MXI1: variants seen among roughly 807,000 people sequenced by gnomAD.
MXI1 encodes max-interacting protein 1.
A neutral mutation model predicts 36.9 loss-of-function variants in MXI1; 18 were observed. The ratio of observed to expected loss-of-function variants is 0.49; its 90% confidence interval spans 0.34 to 0.72. MXI1 has a LOEUF of 0.72. MXI1 is among the 30% of genes least tolerant of loss of function. MXI1 has a pLI of 0.01. For missense variants in MXI1, 304 were observed against 379.1 expected (o/e 0.80, Z 1.64); for synonymous variants, 160 against 146.7 (o/e 1.09, Z -0.65).
intron 5 of MXI1, among the ~76,000 whole-genome samples, chr10:110,281,460 A>G (rs1345041377): frequency 6.6e-6 from 1 of 152,170 alleles, no homozygotes; most frequent in Non-Finnish European, 1.5e-5. Context: ...TCAGGATCCA[A>G]AGGCCACATT....
At chr10:110,266,307 A>G (rs1856676301) in intron 3 of MXI1, among the ~76,000 whole-genome samples, 1 of 152,022 alleles carries the variant, frequency 6.6e-6, no homozygotes, top group African/African-American at 2.4e-5. Context: ...ACGGGGTTTC[A>G]CCATGCTGGC....
intron 3 of MXI1, among the ~76,000 whole-genome samples, chr10:110,260,605 A>G (rs988627571): frequency 6.6e-6 from 1 of 152,038 alleles, no homozygotes; most frequent in Non-Finnish European, 1.5e-5. Flanking sequence ...ATTATAATAC[A>G]TGGTACTGTA....
rs183758162 is a variant in MXI1 at position 110,279,955 on chromosome 10, G to A, written c.594G>A (p.Glu198=). 79 of 1,611,766 alleles carry A rather than the reference G, an allele frequency of 4.9e-5. No individual in the cohort carries two copies. In the East Asian group the frequency reaches 1.7e-3, roughly 34 times the overall value. Residue 198 remains glutamate (E), a synonymous_variant, in exon 5 of 6, where the codon GAG becomes GAA. Transcript: ENST00000332674. ...EAERKSQHQL[E]NLEREQRFLK... ...AAAGAAAAAGCCAGCACCAGCTCGA[G>A]AATTTGGAACGAGAACAGAGATTTT...
intron 4 of MXI1, 100 bp from the exon 5 acceptor site, chr10:110,279,814 C>T (rs1007826600): frequency 2.6e-6 from 2 of 775,446 alleles, no homozygotes; most frequent in East Asian, 5.8e-5. Context: ...TACACACTCA[C>T]ACATGTATAT....
chr10:110,264,292 T>C (rs1590389885), intron 3 of MXI1, among the ~76,000 whole-genome samples: 1 of 152,198 alleles, frequency 6.6e-6, no homozygotes, highest in African/African-American at 2.4e-5. Flanking sequence ...TTGGGCATTG[T>C]ATTAGAAATT....
chr10:110,211,350 G>C (rs559190004), intron 1 of MXI1, among the ~76,000 whole-genome samples: 75 of 152,200 alleles, frequency 4.9e-4, no homozygotes, highest in Non-Finnish European at 7.8e-4. Context: ...AGGCTGGGTG[G>C]GGGGTGGAGC....
In MXI1 at chr10:110,223,923, T is replaced by G. The variant is rs139910948; in HGVS notation, c.275-4266T>G. Among the ~76,000 whole-genome samples, 167 of 151,832 alleles carry G rather than the reference T, an allele frequency of 1.1e-3. 3 individuals carry two copies. The East Asian group carries it at 0.025, about 23-fold the overall frequency. On this transcript the variant is annotated intron_variant, in intron 1 of 5. Coordinates refer to ENST00000332674, the MANE Select transcript of MXI1 (RefSeq NM_130439.3). ...ATTTGGTCTTAAATGTGGTGCCAAG[T>G]GTAATATTTAAAAGGACTGGCAGAA...
At chr10:110,274,274 G>C (rs145213845) in intron 3 of MXI1, among the ~76,000 whole-genome samples, 2,505 of 152,142 alleles carry the variant, frequency 0.016, 35 homozygotes, top group Non-Finnish European at 0.026. Context: ...AATTTTGATA[G>C]GACTCTTCTC....
intron 5 of MXI1, among the ~76,000 whole-genome samples, chr10:110,281,285 A>G (rs1218197989): frequency 6.6e-6 from 1 of 152,222 alleles, no homozygotes; most frequent in Non-Finnish European, 1.5e-5. Context: ...ATACTTTAGT[A>G]TGTATCTTGA....
chr10:110,207,764 G>T lies in MXI1; in HGVS notation c.-45G>T, dbSNP rs145057169. ...TGGGGGCCCGGAGCTCGGCCGGGCCGCGCAGCCCCGTTAGAGGACGAGCTC... is the reference window on the plus strand; with the variant it reads ...TGGGGGCCCGGAGCTCGGCCGGGCCTCGCAGCCCCGTTAGAGGACGAGCTC... On this transcript the variant is annotated 5_prime_UTR_variant, in exon 1 of 6. Transcript: ENST00000332674. The T allele has an allele frequency of 0.036, 40,877 of 1,122,578 alleles. 1,929 individuals are homozygous for T. Among genetic ancestry groups the T allele is most frequent in the East Asian group, 0.27 (5,382 of 19,652 alleles). The allele number at this position is 1,122,578 out of a possible 1,614,324, so 69.5% of individuals were successfully genotyped here.
At chr10:110,239,336 A>C (rs1442353941) in intron 2 of MXI1, among the ~76,000 whole-genome samples, 1 of 152,002 alleles carries the variant, frequency 6.6e-6, no homozygotes, top group Non-Finnish European at 1.5e-5. Context: ...TCCTTTTTCT[A>C]CTTTCTTAAG....
chr10:110,283,045 A>C (rs1590415111), intron 5 of MXI1, among the ~76,000 whole-genome samples: 2 of 152,104 alleles, frequency 1.3e-5, no homozygotes, highest in East Asian at 1.9e-4. Context: ...ATTATCTTCT[A>C]GTTGTAGGTT....
At chr10:110,259,880 A>G (rs908216405) in intron 3 of MXI1, among the ~76,000 whole-genome samples, 1 of 152,110 alleles carries the variant, frequency 6.6e-6, no homozygotes, top group African/African-American at 2.4e-5. Flanking sequence ...TCTGATTACT[A>G]GCTAACCAGT....
At chr10:110,214,547 C>T (rs767129760) in intron 1 of MXI1, among the ~76,000 whole-genome samples, 2 of 152,084 alleles carry the variant, frequency 1.3e-5, no homozygotes, top group Non-Finnish European at 2.9e-5. Context: ...AAAAACCCAG[C>T]CCTGCAGAAG....
At chr10:110,245,658 G>A (rs2134394853) in intron 3 of MXI1, 1 of 152,260 alleles carries the variant, frequency 6.6e-6, no homozygotes, top group South Asian at 2.1e-4. Flanking sequence ...TAGACTTCCT[G>A]AGACCCATAG....
At chr10:110,252,507 T>G (rs1357758275) in intron 3 of MXI1, among the ~76,000 whole-genome samples, 1 of 152,144 alleles carries the variant, frequency 6.6e-6, no homozygotes, top group Non-Finnish European at 1.5e-5. Flanking sequence ...TTCATCATTA[T>G]TTAGTTCTCA....
chr10:110,255,745 C>T (rs1398385703), intron 3 of MXI1, among the ~76,000 whole-genome samples: 1 of 151,948 alleles, frequency 6.6e-6, no homozygotes, highest in Non-Finnish European at 1.5e-5. Context: ...CCGTACTTTC[C>T]AAATTGATCT....
chr10:110,259,672 T>G (rs1023099233), intron 3 of MXI1, among the ~76,000 whole-genome samples: 2 of 152,088 alleles, frequency 1.3e-5, no homozygotes, highest in East Asian at 3.8e-4. Context: ...ATTTATATTC[T>G]AAAAATGAAG....
chr10:110,284,031 G>C (rs112930345), intron 5 of MXI1, among the ~76,000 whole-genome samples: 11 of 151,924 alleles, frequency 7.2e-5, no homozygotes, highest in African/African-American at 2.4e-4. Context: ...GCACTCAAGT[G>C]ATCTTCCTGC....
Sources: allele counts gnomAD v4.1 joint callset (sites outside exome capture counted in the v4.1 genomes callset), GRCh38; gene constraint gnomAD v4.1.1; transcripts MANE v1.5; gene names NCBI Gene and HGNC (gene_info 2026-07-23, HGNC 2026-07-21).